The following COBL variants were observed in gnomAD, a reference collection of about 807,000 sequenced individuals.
COBL encodes the protein protein cordon-bleu.
A neutral mutation model predicts 98.8 loss-of-function variants in COBL; 51 were observed. The observed-to-expected ratio is 0.52, with a 90% CI of 0.41 to 0.65. The LOEUF is 0.65. Ranked by LOEUF, COBL falls within the 30% of genes least tolerant of loss-of-function variation. The probability of loss-of-function intolerance (pLI) is 0.00; values close to 1 mark genes in which losing one functional copy is unlikely to be tolerated. For synonymous variants in COBL, 634 were observed against 651.7 expected (o/e 0.97, Z 0.41); for missense variants, 1,617 against 1,617.5 (o/e 1.00, Z 0.01).
chr7:51,099,592 G>T (rs1252052117), intron 6 of COBL, among the ~76,000 whole-genome samples: 2 of 151,978 alleles, frequency 1.3e-5, no homozygotes, highest in African/African-American at 4.8e-5. Context: ...TTGAGGGAGG[G>T]GGAAAAGATG....
chr7:51,028,697 G>C lies in COBL; in HGVS notation c.2399C>G (p.Thr800Arg). 6.2e-7 allele frequency: 1 copy of C among 1,613,560 alleles called. No individual in the cohort carries two copies. Among genetic ancestry groups the C allele is most frequent in the Non-Finnish European group, 8.5e-7 (1 of 1,179,732 alleles). Reference protein sequence around the residue: ...GPPSTPVPTQTQNPESRLQAD... With the variant: ...GPPSTPVPTQRQNPESRLQAD... ...TTGGAGTCTGCTCTCTGGATTCTGCGTCTGCGTGGGCACAGGGGTGGAGGG... is the reference window on the plus strand; with the variant it reads ...TTGGAGTCTGCTCTCTGGATTCTGCCTCTGCGTGGGCACAGGGGTGGAGGG... Residue 800 changes from threonine to arginine, a missense_variant, in exon 10 of 13, where the codon ACG becomes AGG. Physicochemically the swap from Thr to Arg is moderately conservative, Grantham distance 71. Transcript: ENST00000265136.
chr7:51,262,134 C>T (rs955076528), intron 1 of COBL, among the ~76,000 whole-genome samples: 3 of 152,172 alleles, frequency 2.0e-5, no homozygotes, highest in African/African-American at 4.8e-5. Context: ...CCGCACTCAC[C>T]GCACAGCAGC....
chr7:51,124,799 A>T (rs1798051875), intron 6 of COBL, among the ~76,000 whole-genome samples: 1 of 149,534 alleles, frequency 6.7e-6, no homozygotes, highest in Admixed American at 6.7e-5. Flanking sequence ...TTTGTTTCCA[A>T]TTTTTTTTCT....
At chr7:51,307,470 T>C (rs1470819526) in intron 1 of COBL, among the ~76,000 whole-genome samples, 2 of 152,116 alleles carry the variant, frequency 1.3e-5, no homozygotes, top group Non-Finnish European at 2.9e-5. Context: ...GTTCTGGCCA[T>C]CTCCTATCTC....
At chr7:51,188,103 T>C in intron 4 of COBL, 1 of 610,052 alleles carries the variant, frequency 1.6e-6, no homozygotes, top group Non-Finnish European at 2.4e-6. Context: ...AGCTTGCCTC[T>C]CTGGGCTGGC....
At chr7:51,154,185 T>C (rs1318803689) in intron 5 of COBL, among the ~76,000 whole-genome samples, 1 of 152,164 alleles carries the variant, frequency 6.6e-6, no homozygotes, top group Admixed American at 6.5e-5. Flanking sequence ...TTGGCCACAG[T>C]CAAGGGAGTC....
At chr7:51,026,922 A>G (rs912298784) in intron 10 of COBL, among the ~76,000 whole-genome samples, 1 of 151,832 alleles carries the variant, frequency 6.6e-6, no homozygotes, top group Admixed American at 6.6e-5. Flanking sequence ...AAGAAAATCC[A>G]CTCATGTCAG....
At chr7:51,041,053 G>A (rs1049279390) in intron 8 of COBL, among the ~76,000 whole-genome samples, 2 of 152,174 alleles carry the variant, frequency 1.3e-5, no homozygotes, top group African/African-American at 4.8e-5. Flanking sequence ...TTTTCTTTAT[G>A]TTAAATGACT....
chr7:51,124,979 T>C (rs1798072333), intron 6 of COBL, among the ~76,000 whole-genome samples: 1 of 152,172 alleles, frequency 6.6e-6, no homozygotes, highest in Non-Finnish European at 1.5e-5. Flanking sequence ...ATCCAGCTAA[T>C]TTCTTCGTAT....
chr7:51,033,545 A>C (rs1788351929), intron 8 of COBL: 1 of 152,264 alleles, frequency 6.6e-6, no homozygotes, highest in Non-Finnish European at 1.5e-5. Flanking sequence ...GTGATGATTT[A>C]AAAATAGCAA....
chr7:51,130,819 A>G lies in COBL; in HGVS notation c.957+5339T>C, dbSNP rs1798668945. Among the ~76,000 whole-genome samples, 3 of 152,260 alleles carry G rather than the reference A, an allele frequency of 2.0e-5. No individual in the cohort carries two copies. The South Asian group carries it at 6.2e-4, about 32-fold the overall frequency. Reference sequence around the variant, plus strand: ...ATTATTCTAGTTACCAGATCCAGGAAATGGAACTTCAAGTAATAATGCTTT... The same window carrying G: ...ATTATTCTAGTTACCAGATCCAGGAGATGGAACTTCAAGTAATAATGCTTT... On this transcript the variant is annotated intron_variant, in intron 6 of 12. Coordinates refer to ENST00000265136, the MANE Select transcript of COBL (RefSeq NM_015198.5).
chr7:51,049,084 A>G (rs768603144), intron 7 of COBL, among the ~76,000 whole-genome samples: 3 of 152,244 alleles, frequency 2.0e-5, no homozygotes, highest in Non-Finnish European at 4.4e-5. Context: ...CACTTCATTA[A>G]TCTGTCACAA....
chr7:51,276,978 G>C (rs151127724), intron 1 of COBL, among the ~76,000 whole-genome samples: 1 of 152,108 alleles, frequency 6.6e-6, no homozygotes, highest in South Asian at 2.1e-4. Flanking sequence ...TGGGAGCAGC[G>C]AACACACAGA....
intron 5 of COBL, among the ~76,000 whole-genome samples, chr7:51,164,746 T>A (rs1295866505): frequency 6.6e-6 from 1 of 152,084 alleles, no homozygotes; most frequent in East Asian, 1.9e-4. Flanking sequence ...GTGTATAAAC[T>A]ACTCTTATCC....
At chr7:51,059,025 C>T (rs557654492) in intron 7 of COBL, among the ~76,000 whole-genome samples, 2 of 152,336 alleles carry the variant, frequency 1.3e-5, no homozygotes, top group African/African-American at 4.8e-5. Context: ...GAATTGTCCC[C>T]ATGTGGGTGA....
At chr7:51,221,521 A>C (rs1433115411) in intron 1 of COBL, among the ~76,000 whole-genome samples, 4 of 152,240 alleles carry the variant, frequency 2.6e-5, no homozygotes, top group African/African-American at 9.6e-5. Context: ...ATATCCTAAA[A>C]GTATATTGTT....
At chr7:51,061,661 A>G (rs1280316719) in intron 7 of COBL, among the ~76,000 whole-genome samples, 4 of 152,144 alleles carry the variant, frequency 2.6e-5, no homozygotes, top group Non-Finnish European at 5.9e-5. Flanking sequence ...GACAGACAGT[A>G]AGGAAGATGT....
rs114101465 is a variant in COBL, at chr7:51,155,974, G to A, written c.784-19643C>T. 9.0e-3 allele frequency among the ~76,000 whole-genome samples: 1,368 copies of A among 152,180 alleles called. 18 individuals are homozygous for A. The highest frequency in any genetic ancestry group is 0.031 in the African/African-American group (1,301 of 41,492). Reference sequence around the variant, plus strand: ...ATCAAGGAAATTCAAATGCAACTGGGAATCATAGTTTCTCCATAAACCACT... The same window carrying A: ...ATCAAGGAAATTCAAATGCAACTGGAAATCATAGTTTCTCCATAAACCACT... On this transcript the variant is annotated intron_variant, in intron 5 of 12. Transcript: ENST00000265136.
intron 1 of COBL, among the ~76,000 whole-genome samples, chr7:51,234,372 G>A (rs533680309): frequency 5.3e-5 from 8 of 152,280 alleles, no homozygotes; most frequent in Admixed American, 2.6e-4. Context: ...ACCTGGCATC[G>A]GGCTCGCCCA....
Sources: gnomAD v4.1 joint callset for allele counts (sites outside exome capture counted in the v4.1 genomes callset) on GRCh38, gnomAD v4.1.1 for gene constraint, MANE v1.5 for transcripts, NCBI Gene and HGNC (gene_info 2026-07-23, HGNC 2026-07-21) for gene names.